Variants in FABP6 observed in about 807,000 individuals in gnomAD.
FABP6 encodes fatty acid binding protein 6.
FABP6 carries 13 observed loss-of-function variants against 14.9 expected under a neutral mutation model. The ratio of observed to expected loss-of-function variants is 0.87; its 90% confidence interval spans 0.57 to 1.39. The LOEUF is 1.39. FABP6 is among the 40% of genes most tolerant of loss of function. The probability of loss-of-function intolerance (pLI) is 0.00; values close to 1 mark genes in which losing one functional copy is unlikely to be tolerated. For synonymous variants in FABP6, 75 were observed against 63.6 expected (o/e 1.18, Z -0.85); for missense variants, 161 against 167.2 (o/e 0.96, Z 0.20).
intron 3 of FABP6, among the ~76,000 whole-genome samples, chr5:160,219,664 A>C (rs1760090876): frequency 8.6e-6 from 1 of 116,854 alleles, no homozygotes; most frequent in Admixed American, 8.9e-5. Context: ...TTGGACACTG[A>C]CCTTGGAAGA....
intron 2 of FABP6, among the ~76,000 whole-genome samples, chr5:160,213,561 T>C (rs572128328): frequency 4.6e-5 from 7 of 152,382 alleles, no homozygotes; most frequent in Admixed American, 1.3e-4. Context: ...CTGAAAAGTC[T>C]GTGATCCAGT....
upstream of FABP6, among the ~76,000 whole-genome samples, chr5:160,224,894 C>T (rs1229137357): frequency 6.6e-6 from 1 of 151,708 alleles, no homozygotes; most frequent in Non-Finnish European, 1.5e-5. Context: ...TCTCGTGGCT[C>T]AGCCTCCCAA....
At chr5:160,221,063 T>C (rs1230450772) in intron 3 of FABP6, among the ~76,000 whole-genome samples, 1 of 132,248 alleles carries the variant, frequency 7.6e-6, no homozygotes, top group East Asian at 2.5e-4. Context: ...CATTCCAGCC[T>C]GGGTGACAGA....
At chr5:160,192,274 C>T (rs1759410382) in intron 1 of FABP6, among the ~76,000 whole-genome samples, 1 of 152,190 alleles carries the variant, frequency 6.6e-6, no homozygotes, top group African/African-American at 2.4e-5. Context: ...CAATCCTCCT[C>T]CTTCAGCCTC....
At chr5:160,210,365 C>T (rs1311145317) in intron 2 of FABP6, among the ~76,000 whole-genome samples, 1 of 152,160 alleles carries the variant, frequency 6.6e-6, no homozygotes, top group African/African-American at 2.4e-5. Context: ...GATGAGATAA[C>T]CTATCAGTGA....
chr5:160,230,710 T>C (rs1379798937), intron 1 of FABP6, among the ~76,000 whole-genome samples: 1 of 152,098 alleles, frequency 6.6e-6, no homozygotes, highest in Non-Finnish European at 1.5e-5. Context: ...ATCTCAGTGT[T>C]ACCAATGGGG....
chr5:160,203,373 A>G (rs1759688084), intron 2 of FABP6, among the ~76,000 whole-genome samples: 1 of 152,134 alleles, frequency 6.6e-6, no homozygotes, highest in Non-Finnish European at 1.5e-5. Context: ...TGAATATCCT[A>G]TTTTTTGGAA....
intron 2 of FABP6, among the ~76,000 whole-genome samples, chr5:160,207,659 A>G (rs962520374): frequency 2.0e-5 from 3 of 152,028 alleles, no homozygotes; most frequent in African/African-American, 7.2e-5. Context: ...CTGGAAGTAA[A>G]TACACACCAA....
chr5:160,236,243 T>C (rs1357410009), intron 3 of FABP6, among the ~76,000 whole-genome samples: 1 of 152,092 alleles, frequency 6.6e-6, no homozygotes, highest in Non-Finnish European at 1.5e-5. Context: ...CTCGAACTCC[T>C]GACCTCAAGT....
At chr5:160,227,844 G>GTGTA, upstream of FABP6, among the ~76,000 whole-genome samples, 1 of 149,336 alleles carries the variant, frequency 6.7e-6, no homozygotes, top group East Asian at 1.9e-4. Flanking sequence ...GTGTGTGTGT[G>GTGTA]TGTGTGTCTG....
At chr5:160,223,363 TTCCC>T (rs71579117) in intron 3 of FABP6, among the ~76,000 whole-genome samples, 27 of 79,004 alleles carry the variant, frequency 3.4e-4, no homozygotes, top group Non-Finnish European at 6.0e-4. Flanking sequence ...CCTTCCTTCT[TTCCC>T]TCCCTCCCTC....
upstream of FABP6, among the ~76,000 whole-genome samples, chr5:160,226,252 C>T (rs1054983623): frequency 4.0e-5 from 6 of 151,782 alleles, no homozygotes; most frequent in Non-Finnish European, 8.8e-5. Context: ...GAAAAAAAGA[C>T]GTTGAAAGCT....
intron 2 of FABP6, among the ~76,000 whole-genome samples, chr5:160,210,484 G>A (rs1388004527): frequency 1.3e-5 from 2 of 152,152 alleles, no homozygotes; most frequent in East Asian, 1.9e-4. Context: ...TGGGCAAGTG[G>A]GGTAGATCAT....
chr5:160,229,349 T>C, upstream of FABP6: 1 of 1,227,274 alleles, frequency 8.1e-7, no homozygotes, highest in Non-Finnish European at 1.1e-6. Context: ...TTCCCCAGGG[T>C]GAATAACCTC....
intron 3 of FABP6, among the ~76,000 whole-genome samples, chr5:160,215,685 CAA>C (rs112644160): frequency 2.9e-5 from 3 of 104,136 alleles, no homozygotes; most frequent in Admixed American, 2.1e-4. Context: ...AAGACCTTGT[CAA>C]AAAAAAAAAA....
intron 2 of FABP6, among the ~76,000 whole-genome samples, chr5:160,232,645 C>T (rs1344581181): frequency 2.0e-5 from 3 of 152,116 alleles, no homozygotes; most frequent in East Asian, 3.9e-4. Flanking sequence ...GCCTGTAATC[C>T]CAGCACTTTG....
At chr5:160,235,884 C>A (rs949816542) in intron 3 of FABP6, among the ~76,000 whole-genome samples, 1 of 152,122 alleles carries the variant, frequency 6.6e-6, no homozygotes, top group Non-Finnish European at 1.5e-5. Context: ...TGATTTACAC[C>A]ACAGACACTT....
At chr5:160,232,920 TA>T (rs529395963) in intron 2 of FABP6, among the ~76,000 whole-genome samples, 1 of 148,328 alleles carries the variant, frequency 6.7e-6, no homozygotes, top group African/African-American at 2.5e-5. Flanking sequence ...TAAATAAAAA[TA>T]AAAAAAACCT....
At chr5:160,236,202 G>T (rs547189624) in intron 3 of FABP6, among the ~76,000 whole-genome samples, 3 of 152,070 alleles carry the variant, frequency 2.0e-5, no homozygotes, top group Admixed American at 1.3e-4. Context: ...TTTTAGTAGA[G>T]ACAGGGTTTC....
Sources: gnomAD v4.1 joint callset for allele counts (sites outside exome capture counted in the v4.1 genomes callset) on GRCh38, gnomAD v4.1.1 for gene constraint, MANE v1.5 for transcripts, NCBI Gene and HGNC (gene_info 2026-07-23, HGNC 2026-07-21) for gene names.